KIF2A: variants seen among roughly 807,000 people sequenced by gnomAD.
The protein encoded by KIF2A is kinesin family member 2A, also known as kinesin-like protein KIF2A.
A neutral mutation model predicts 100.2 loss-of-function variants in KIF2A; 22 were observed. That is an observed-to-expected ratio of 0.22 (90% CI 0.16 to 0.31). The LOEUF (loss-of-function observed/expected upper bound fraction) is 0.31. Ranked by LOEUF, KIF2A falls within the 10% of genes least tolerant of loss-of-function variation. KIF2A has a pLI of 1.00. For missense variants in KIF2A, 495 were observed against 898.7 expected (o/e 0.55, Z 5.74); for synonymous variants, 268 against 285.9 (o/e 0.94, Z 0.63).
chr5:62,318,384 A>G (rs1745936152), intron 1 of KIF2A, among the ~76,000 whole-genome samples: 1 of 152,078 alleles, frequency 6.6e-6, no homozygotes, highest in African/African-American at 2.4e-5. Flanking sequence ...CCCGGCCATA[A>G]ATTTATTTTT....
At chr5:62,339,354 G>A (rs1368574330) in intron 1 of KIF2A, among the ~76,000 whole-genome samples, 1 of 151,604 alleles carries the variant, frequency 6.6e-6, no homozygotes, top group African/African-American at 2.4e-5. Context: ...CAGTGATCTA[G>A]TCACCTCCAC....
intron 1 of KIF2A, among the ~76,000 whole-genome samples, chr5:62,324,243 C>G (rs1024123151): frequency 6.6e-6 from 1 of 152,066 alleles, no homozygotes; most frequent in African/African-American, 2.4e-5. Context: ...ATTCCATGAT[C>G]ATGGATAAGA....
At chr5:62,365,827 C>A (rs1389599431) in intron 15 of KIF2A, among the ~76,000 whole-genome samples, 1 of 152,144 alleles carries the variant, frequency 6.6e-6, no homozygotes, top group Non-Finnish European at 1.5e-5. Flanking sequence ...TTAGTCCTTT[C>A]AGATTTAGCT....
At chr5:62,314,809 C>CTG (rs1193470179) in intron 1 of KIF2A, among the ~76,000 whole-genome samples, 2 of 135,752 alleles carry the variant, frequency 1.5e-5, no homozygotes, top group Non-Finnish European at 3.1e-5. Context: ...GTCACCCAGG[C>CTG]TGTAGTGCAG....
intron 1 of KIF2A, among the ~76,000 whole-genome samples, chr5:62,340,264 G>A (rs1747228301): frequency 6.6e-6 from 1 of 152,210 alleles, no homozygotes; most frequent in African/African-American, 2.4e-5. Flanking sequence ...GGGAATGTAT[G>A]GGGTTTCAAA....
rs533086263 is a variant in KIF2A at position 62,338,736 on chromosome 5, C to T, written c.65-8394C>T. 1.5e-3 allele frequency among the ~76,000 whole-genome samples: 222 copies of T among 152,144 alleles called. 2 individuals carry two copies. The highest frequency in any genetic ancestry group is 5.3e-3 in the African/African-American group (218 of 41,512). On this transcript the variant is annotated intron_variant, in intron 1 of 20. Transcript: ENST00000407818. ...ATTAGAATTAAGAATTTAAATGCAT[C>T]AAAAGCACCATAAAGAACATGAAAA...
chr5:62,362,470 C>A lies in KIF2A; in HGVS notation c.1048C>A (p.Leu350Ile). 6.9e-7 allele frequency: 1 copy of A among 1,450,074 alleles called. No individual in the cohort carries two copies. The highest frequency in any genetic ancestry group is 9.1e-7 in the Non-Finnish European group (1 of 1,101,646). 89.8% of individuals were successfully genotyped at this position (1,450,074 alleles called of 1,614,324 possible). Residue 350 changes from leucine (L) to isoleucine (I), a missense_variant, in exon 12 of 21, where the codon CTA (leucine) becomes ATA (isoleucine). Around this residue, in one of 10 missense-constraint regions of KIF2A, gnomAD observed 22 missense variants for 19.3 expected, o/e 1.14. Coordinates refer to ENST00000407818, the MANE Select transcript of KIF2A (RefSeq NM_001098511.3). ...ALAARDVFLM[L>I]KKPNYKKLEL... Reference sequence around the variant, plus strand: ...GACAGCTCGAGATGTCTTTTTAATGCTAAAGAAGCCAAACTATAAGAAGCT... The same window carrying A: ...GACAGCTCGAGATGTCTTTTTAATGATAAAGAAGCCAAACTATAAGAAGCT...
intron 1 of KIF2A, 34 bp downstream of exon 1, chr5:62,306,570 G>T: frequency 6.5e-7 from 1 of 1,531,514 alleles, no homozygotes; most frequent in Non-Finnish European, 8.8e-7. Flanking sequence ...TGGCCCGCTC[G>T]GCCCCGTGTT....
In KIF2A at chr5:62,389,072, TG is replaced by T; in HGVS notation, c.*3505del. 6.2e-7 allele frequency: 1 copy of T among 1,608,602 alleles called. No individual in the cohort carries two copies. Among genetic ancestry groups the T allele is most frequent in the Non-Finnish European group, 8.5e-7 (1 of 1,176,804 alleles). On this transcript the variant is annotated 3_prime_UTR_variant, in exon 21 of 21. Coordinates refer to ENST00000407818, the MANE Select transcript of KIF2A (RefSeq NM_001098511.3). ...AGCAATCTGAAAAAAGAAATCAAAA[TG>T]GAATGGTACTGAAAAGCTAATTTGT...
At chr5:62,315,249 C>CA (rs765995590) in intron 1 of KIF2A, among the ~76,000 whole-genome samples, 1,487 of 66,292 alleles carry the variant, frequency 0.022, 19 homozygotes, top group African/African-American at 0.05. Context: ...AAAAACAGAC[C>CA]AAAAAAAAAA....
At chr5:62,384,990 A>G (rs969207594) in intron 20 of KIF2A, among the ~76,000 whole-genome samples, 3 of 152,080 alleles carry the variant, frequency 2.0e-5, no homozygotes, top group African/African-American at 7.2e-5. Context: ...TAAAAATACA[A>G]AAATTAGCTG....
chr5:62,349,749 C>G (rs930356010), intron 3 of KIF2A, among the ~76,000 whole-genome samples: 1 of 152,158 alleles, frequency 6.6e-6, no homozygotes, highest in African/African-American at 2.4e-5. Context: ...TACTTAACCT[C>G]TCTTTGTTTC....
intron 1 of KIF2A, among the ~76,000 whole-genome samples, chr5:62,325,402 G>A (rs1253319309): frequency 6.6e-6 from 1 of 151,934 alleles, no homozygotes; most frequent in East Asian, 1.9e-4. Context: ...GGGATTACAG[G>A]CATGAGCCAC....
chr5:62,310,854 A>G (rs78924861), intron 1 of KIF2A, among the ~76,000 whole-genome samples: 2,252 of 152,040 alleles, frequency 0.015, 58 homozygotes, highest in African/African-American at 0.051. Flanking sequence ...TCTGTCGTGT[A>G]GCTAGTTTGG....
Position 62,363,910 on chromosome 5 carries a change from T to C in KIF2A, c.1467+11T>C, listed in dbSNP as rs1176464596. The C allele has an allele frequency of 6.3e-7, 1 of 1,584,176 alleles. No homozygotes were observed. Among genetic ancestry groups the C allele is most frequent in the Non-Finnish European group, 8.6e-7 (1 of 1,163,208 alleles). On this transcript the variant is annotated intron_variant, in intron 14 of 20. Transcript: ENST00000407818. ...CTTTTAGCACTCAAGGTAAATAAAA[T>C]GTATTTTATCATGAAAGGTCTTTTA...
chr5:62,307,448 G>T (rs988899113), intron 1 of KIF2A, among the ~76,000 whole-genome samples: 1 of 152,060 alleles, frequency 6.6e-6, no homozygotes, highest in Non-Finnish European at 1.5e-5. Flanking sequence ...TATGACACTA[G>T]CTTGGGGTGT....
At chr5:62,355,823 G>C (rs1325216521) in intron 7 of KIF2A, among the ~76,000 whole-genome samples, 1 of 149,006 alleles carries the variant, frequency 6.7e-6, no homozygotes, top group Non-Finnish European at 1.5e-5. Context: ...TTTTGAGATG[G>C]AGTCTTGCTC....
intron 1 of KIF2A, among the ~76,000 whole-genome samples, chr5:62,311,447 G>A (rs1745548591): frequency 6.6e-6 from 1 of 152,176 alleles, no homozygotes; most frequent in Non-Finnish European, 1.5e-5. Flanking sequence ...AAGTATTGGT[G>A]TAAAGAGTTC....
chr5:62,390,632 A>G lies in KIF2A; in HGVS notation c.*5063A>G, dbSNP rs1742263380. Among the ~76,000 whole-genome samples, 1 of 152,200 alleles carries G rather than the reference A, an allele frequency of 6.6e-6. No homozygotes were observed. Among genetic ancestry groups the G allele is most frequent in the Non-Finnish European group, 1.5e-5 (1 of 68,042 alleles). ...CACCACATTGGAACCTGCACACCAC[A>G]TTAACACAAAGGCAATCTTCTGGCT... On this transcript the variant is annotated 3_prime_UTR_variant, in exon 21 of 21. Coordinates refer to ENST00000407818, the MANE Select transcript of KIF2A (RefSeq NM_001098511.3).
Sources: allele counts gnomAD v4.1 joint callset (sites outside exome capture counted in the v4.1 genomes callset), GRCh38; gene constraint gnomAD v4.1.1; regional missense constraint gnomAD v4.1.1; transcripts MANE v1.5; gene names NCBI Gene and HGNC (gene_info 2026-07-23, HGNC 2026-07-21).